DNAAF11: variants seen among roughly 807,000 people sequenced by gnomAD.
DNAAF11 encodes dynein axonemal assembly factor 11.
A neutral mutation model predicts 60.8 loss-of-function variants in DNAAF11; 45 were observed. The ratio of observed to expected loss-of-function variants is 0.74; its 90% CI spans 0.58 to 0.95. The LOEUF (loss-of-function observed/expected upper bound fraction) is 0.95. Ranked by LOEUF, DNAAF11 falls within the 40% of genes least tolerant of loss-of-function variation. The pLI is 0.00. For missense variants in DNAAF11, 546 were observed against 546.2 expected, an observed-to-expected ratio of 1.00 and a Z score of 0.00; for synonymous variants, 191 against 183.5, an observed-to-expected ratio of 1.04 and a Z score of -0.33.
intron 3 of DNAAF11, 127 bp downstream of exon 3, chr8:132,656,703 C>T: frequency 1.9e-6 from 1 of 514,062 alleles, no homozygotes; most frequent in South Asian, 1.9e-5. Flanking sequence ...AACTCCTGAC[C>T]TCAGGTGATC....
At chr8:132,691,824 G>T in the DNAAF11 span, among the ~76,000 whole-genome samples, 1 of 152,100 alleles carries the variant, frequency 6.6e-6, no homozygotes, top group Admixed American at 6.5e-5. Context: ...GATTTGGGTG[G>T]GGACACAAGC....
At chr8:132,594,946 C>T (rs866885938) in intron 10 of DNAAF11, among the ~76,000 whole-genome samples, 10 of 151,968 alleles carry the variant, frequency 6.6e-5, no homozygotes, top group African/African-American at 1.7e-4. Flanking sequence ...TGAATTCTCA[C>T]GAGATCTGAT....
At chr8:132,594,138 A>G (rs1816751077) in intron 10 of DNAAF11, among the ~76,000 whole-genome samples, 1 of 152,174 alleles carries the variant, frequency 6.6e-6, no homozygotes, top group South Asian at 2.1e-4. Flanking sequence ...AAAAAATCAG[A>G]TAAGGAATGA....
intron 10 of DNAAF11, 43 bp downstream of exon 10, chr8:132,610,123 C>G (rs1490080661): frequency 7.1e-6 from 10 of 1,400,694 alleles, no homozygotes; most frequent in African/African-American, 1.4e-5. Context: ...CTTCAGGAAC[C>G]CTCATATCCA....
intron 11 of DNAAF11, among the ~76,000 whole-genome samples, chr8:132,577,386 T>G (rs1343349751): frequency 2.6e-5 from 4 of 152,200 alleles, no homozygotes; most frequent in African/African-American, 9.7e-5. Context: ...TAAGTCTATC[T>G]TAGGTATTCT....
chr8:132,674,097 CAGG>C (rs1489234047), intron 1 of DNAAF11, among the ~76,000 whole-genome samples: 5 of 37,260 alleles, frequency 1.3e-4, no homozygotes, highest in East Asian at 5.3e-4. Flanking sequence ...GGAGGAGGAG[CAGG>C]AGGAGGAGGA....
chr8:132,702,869 A>C, the DNAAF11 span, among the ~76,000 whole-genome samples: 30 of 152,340 alleles, frequency 2.0e-4, no homozygotes, highest in Middle Eastern at 3.4e-3. Flanking sequence ...CTACTCTTCG[A>C]AGGACACAGC....
chr8:132,633,103 A>G (rs1342866129), intron 4 of DNAAF11, 140 bp from the exon 5 acceptor site: 1 of 589,956 alleles, frequency 1.7e-6, no homozygotes, highest in Non-Finnish European at 3.0e-6. Context: ...GAAATATCAG[A>G]ACATTGTTCT....
chr8:132,658,922 G>C (rs1328631765), intron 2 of DNAAF11, among the ~76,000 whole-genome samples: 2 of 152,162 alleles, frequency 1.3e-5, no homozygotes, highest in African/African-American at 4.8e-5. Context: ...TCTTGGGTAG[G>C]GAAAAGGGAG....
intron 10 of DNAAF11, among the ~76,000 whole-genome samples, chr8:132,593,336 T>TATATATATATATATAG: frequency 7.7e-6 from 1 of 129,774 alleles, no homozygotes; most frequent in South Asian, 2.3e-4. Context: ...TACATACATA[T>TATATATATATATATAG]ATATATATAT....
At chr8:132,701,322 G>C in the DNAAF11 span, among the ~76,000 whole-genome samples, 1 of 152,310 alleles carries the variant, frequency 6.6e-6, no homozygotes, top group East Asian at 1.9e-4. Context: ...TGCCTCCCCA[G>C]AGGCACTGGG....
chr8:132,575,669 G>A (rs964515295), intron 11 of DNAAF11, among the ~76,000 whole-genome samples: 1 of 152,178 alleles, frequency 6.6e-6, no homozygotes, highest in South Asian at 2.1e-4. Context: ...TTGGCATCTG[G>A]CACTGGGCGC....
chr8:132,585,790 T>C (rs1366446486), intron 10 of DNAAF11, among the ~76,000 whole-genome samples: 1 of 152,242 alleles, frequency 6.6e-6, no homozygotes, highest in Non-Finnish European at 1.5e-5. Flanking sequence ...TTCTAGGTTT[T>C]AAAATAGACA....
intron 11 of DNAAF11, among the ~76,000 whole-genome samples, chr8:132,581,661 CA>C (rs59380140): frequency 0.27 from 22,666 of 83,298 alleles, 1,494 homozygotes; most frequent in African/African-American, 0.35. Flanking sequence ...GACTCTGCCT[CA>C]AAAAAAAAAA....
intron 11 of DNAAF11, among the ~76,000 whole-genome samples, chr8:132,575,574 A>T (rs1292936609): frequency 6.6e-6 from 1 of 152,164 alleles, no homozygotes; most frequent in Non-Finnish European, 1.5e-5. Context: ...TGCAAGTAGG[A>T]TAAACAAGCC....
In DNAAF11 at chr8:132,610,230, T is replaced by A; in HGVS notation, c.1076A>T (p.Lys359Ile). Residue 359 changes from lysine to isoleucine, a missense_variant, in exon 10 of 12, where the codon AAA becomes ATA. By Grantham distance (102) the Lys-to-Ile change is moderately radical. Transcript: ENST00000620350. ...PFQLVLPAEV[K>I]PDSSSAKRSQ... is the part of the protein sequence containing the mutation. ...TCTTTTAGCAGAACTACTATCGGGT[T>A]TCACTTCTGCAGGAAGGACAAGCTG... is the stretch of plus-strand genomic sequence containing the variant. The A allele has an allele frequency of 6.2e-7, 1 of 1,613,884 alleles. No homozygotes were observed. The highest frequency in any genetic ancestry group is 8.5e-7 in the Non-Finnish European group (1 of 1,179,876).
intron 11 of DNAAF11, among the ~76,000 whole-genome samples, chr8:132,581,037 G>A (rs969158619): frequency 1.3e-5 from 2 of 152,260 alleles, no homozygotes; most frequent in East Asian, 1.9e-4. Flanking sequence ...GGTGGCCTTC[G>A]TAACAAATGT....
intron 5 of DNAAF11, among the ~76,000 whole-genome samples, 166 bp from the exon 6 acceptor site, chr8:132,625,620 A>G (rs1263785633): frequency 1.3e-5 from 2 of 152,194 alleles, no homozygotes; most frequent in Non-Finnish European, 2.9e-5. Context: ...CCCTGCATGG[A>G]TATGTAGTGA....
intron 1 of DNAAF11, among the ~76,000 whole-genome samples, chr8:132,674,056 A>C (rs1437320798): frequency 6.9e-6 from 1 of 145,396 alleles, no homozygotes; most frequent in Non-Finnish European, 1.5e-5. Context: ...AAGGAGCAGG[A>C]GGAGGAGGAG....
Sources: gnomAD v4.1 joint callset for allele counts (sites outside exome capture counted in the v4.1 genomes callset) on GRCh38, gnomAD v4.1.1 for gene constraint, MANE v1.5 for transcripts, NCBI Gene and HGNC (gene_info 2026-07-23, HGNC 2026-07-21) for gene names.